The following APBA2 variants were observed in gnomAD, a reference collection of about 807,000 sequenced individuals.
APBA2 encodes the protein amyloid beta precursor protein binding family A member 2, also known as amyloid-beta A4 precursor protein-binding family A member 2.
A neutral mutation model predicts 75.0 loss-of-function variants in APBA2; 30 were observed. That is an observed-to-expected ratio of 0.40 (90% CI 0.30 to 0.54). The LOEUF is 0.54. Ranked by LOEUF, APBA2 falls within the 20% of genes least tolerant of loss-of-function variation. The pLI is 0.49. For missense variants in APBA2, 801 were observed against 1,016.1 expected (o/e 0.79, Z 2.88); for synonymous variants, 444 against 409.6 (o/e 1.08, Z -1.01).
intron 2 of APBA2, among the ~76,000 whole-genome samples, chr15:28,979,544 G>C (rs1403676994): frequency 6.6e-6 from 1 of 152,208 alleles, no homozygotes; most frequent in African/African-American, 2.4e-5. Context: ...TCCTTCTCTT[G>C]AGGTGGAGTC....
intron 3 of APBA2, among the ~76,000 whole-genome samples, chr15:29,014,865 C>T (rs2039579342): frequency 6.6e-6 from 1 of 152,130 alleles, no homozygotes; most frequent in African/African-American, 2.4e-5. Flanking sequence ...TGGCACCAGG[C>T]CTGGACATTA....
chr15:28,944,672 A>G (rs142576489), intron 2 of APBA2, among the ~76,000 whole-genome samples: 253 of 152,372 alleles, frequency 1.7e-3, no homozygotes, highest in African/African-American at 5.8e-3. Context: ...ATGTTGAGAA[A>G]TGAATGGAAC....
At chr15:29,007,497 GC>G (rs2039179034) in intron 3 of APBA2, among the ~76,000 whole-genome samples, 1 of 152,196 alleles carries the variant, frequency 6.6e-6, no homozygotes, top group South Asian at 2.1e-4. Flanking sequence ...AGGGTTAATA[GC>G]CAGAATGTGT....
intron 3 of APBA2, among the ~76,000 whole-genome samples, chr15:29,020,702 C>T (rs532065345): frequency 2.0e-5 from 3 of 151,960 alleles, no homozygotes; most frequent in South Asian, 2.1e-4. Context: ...CCCAGCTACT[C>T]GGGAGGCTGG....
chr15:29,061,112 G>A (rs2052734889), intron 4 of APBA2, among the ~76,000 whole-genome samples: 1 of 152,196 alleles, frequency 6.6e-6, no homozygotes, highest in Non-Finnish European at 1.5e-5. Context: ...AAAGATCCTA[G>A]TTCTGTGGGT....
intron 3 of APBA2, among the ~76,000 whole-genome samples, chr15:29,014,131 GAC>G (rs2152819218): frequency 6.6e-6 from 1 of 152,310 alleles, no homozygotes; most frequent in East Asian, 1.9e-4. Flanking sequence ...CCCACAGACT[GAC>G]AGTTTTCCCT....
At chr15:29,089,148 C>G (rs538719738) in intron 6 of APBA2, among the ~76,000 whole-genome samples, 41 of 152,324 alleles carry the variant, frequency 2.7e-4, no homozygotes, top group African/African-American at 9.4e-4. Flanking sequence ...TGATGTCAGC[C>G]TCACTGTGTA....
intron 1 of APBA2, among the ~76,000 whole-genome samples, chr15:28,887,307 C>CTGTTTT (rs1381112945): frequency 6.6e-6 from 1 of 152,190 alleles, no homozygotes; most frequent in Admixed American, 6.5e-5. Flanking sequence ...GTGCCTCTTT[C>CTGTTTT]TGTTTTTGTT....
At chr15:28,922,508 G>A (rs7179002) in intron 2 of APBA2, among the ~76,000 whole-genome samples, 38,941 of 151,934 alleles carry the variant, frequency 0.26, 8,942 homozygotes, top group African/African-American at 0.62. Context: ...CCATTGTCCC[G>A]CAGGAGCTCT....
intron 4 of APBA2, among the ~76,000 whole-genome samples, chr15:29,056,525 T>TTCCC (rs2041891429): frequency 6.6e-6 from 1 of 150,672 alleles, no homozygotes; most frequent in Non-Finnish European, 1.5e-5. Context: ...TGTTTTGTTT[T>TTCCC]TCCCTCCCTC....
chr15:29,076,760 G>A (rs2042871120), intron 6 of APBA2, among the ~76,000 whole-genome samples: 1 of 152,148 alleles, frequency 6.6e-6, no homozygotes, highest in Admixed American at 6.5e-5. Flanking sequence ...AATAAACAAT[G>A]TGAATTTCAT....
intron 1 of APBA2, among the ~76,000 whole-genome samples, chr15:28,919,855 A>G (rs899873117): frequency 1.3e-5 from 2 of 152,162 alleles, no homozygotes; most frequent in African/African-American, 4.8e-5. Flanking sequence ...TCCGTGGGAT[A>G]AGAATGGGCT....
At chr15:29,015,015 T>G (rs2039587850) in intron 3 of APBA2, among the ~76,000 whole-genome samples, 1 of 129,408 alleles carries the variant, frequency 7.7e-6, no homozygotes, top group Non-Finnish European at 1.7e-5. Flanking sequence ...GATGTGGACT[T>G]TTTTTTTGGT....
chr15:29,025,202 AG>A (rs2040154050), intron 3 of APBA2, among the ~76,000 whole-genome samples: 1 of 152,030 alleles, frequency 6.6e-6, no homozygotes, highest in Admixed American at 6.6e-5. Flanking sequence ...TAACCTCAAA[AG>A]GGGAAAGCAC....
chr15:28,957,218 G>A (rs1361586467), intron 2 of APBA2, among the ~76,000 whole-genome samples: 7 of 150,604 alleles, frequency 4.6e-5, no homozygotes, highest in Admixed American at 3.9e-4. Flanking sequence ...GACTACAGGC[G>A]CCCGCCACCG....
intron 3 of APBA2, among the ~76,000 whole-genome samples, chr15:29,028,193 C>G (rs2040321365): frequency 6.6e-6 from 1 of 152,040 alleles, no homozygotes; most frequent in African/African-American, 2.4e-5. Context: ...TGTTGTTCCC[C>G]TCCCTGTGTC....
intron 14 of APBA2, among the ~76,000 whole-genome samples, chr15:29,116,723 T>C (rs1423375080): frequency 6.6e-6 from 1 of 152,008 alleles, no homozygotes; most frequent in Non-Finnish European, 1.5e-5. Context: ...TGCCGAGGCC[T>C]GGCCACCCCC....
intron 14 of APBA2, among the ~76,000 whole-genome samples, chr15:29,116,829 C>T (rs1263436673): frequency 6.6e-6 from 1 of 152,154 alleles, no homozygotes; most frequent in African/African-American, 2.4e-5. Flanking sequence ...AACTAGCACT[C>T]AACTGTATTG....
intron 2 of APBA2, among the ~76,000 whole-genome samples, chr15:28,970,043 G>T (rs1280324027): frequency 6.6e-6 from 1 of 152,088 alleles, no homozygotes; most frequent in Non-Finnish European, 1.5e-5. Context: ...TTGGCCTCTT[G>T]TCTGTTCTTG....
Sources: allele counts gnomAD v4.1 joint callset (sites outside exome capture counted in the v4.1 genomes callset), GRCh38; gene constraint gnomAD v4.1.1; transcripts MANE v1.5; gene names NCBI Gene and HGNC (gene_info 2026-07-23, HGNC 2026-07-21).